Variants in MTA3 observed in about 807,000 individuals in gnomAD.
MTA3 encodes the protein metastasis-associated protein MTA3.
MTA3 carries 34 observed loss-of-function variants against 83.5 expected under a neutral mutation model. That is an observed-to-expected ratio of 0.41 (90% CI 0.31 to 0.54). MTA3 has a LOEUF of 0.54. Ranked by LOEUF, MTA3 falls within the 20% of genes least tolerant of loss-of-function variation. MTA3 has a pLI of 0.33. For missense variants in MTA3, 761 were observed against 726.4 expected, an observed-to-expected ratio of 1.05 and a Z score of -0.55; for synonymous variants, 303 against 252.7, an observed-to-expected ratio of 1.20 and a Z score of -1.89.
At chr2:42,711,040 C>T (rs1666563409) in intron 14 of MTA3, among the ~76,000 whole-genome samples, 2 of 151,908 alleles carry the variant, frequency 1.3e-5, no homozygotes, top group Admixed American at 1.3e-4. Flanking sequence ...GATCATGCCA[C>T]CGCACTCCAG....
At chr2:42,672,174 C>CT (rs540200176) in intron 8 of MTA3, among the ~76,000 whole-genome samples, 103 of 152,108 alleles carry the variant, frequency 6.8e-4, no homozygotes, top group African/African-American at 2.3e-3. Context: ...TCACTGTGAC[C>CT]TATTGTCCCC....
chr2:42,609,879 A>T lies in MTA3; in HGVS notation c.317+295A>T, dbSNP rs1325288121. Among the ~76,000 whole-genome samples the T allele has an allele frequency of 2.0e-5, 3 of 152,198 alleles. No homozygotes were observed. The East Asian group carries it at 5.8e-4, about 29-fold the overall frequency. On this transcript the variant is annotated intron_variant, in intron 4 of 16. Coordinates refer to ENST00000405094, the MANE Select transcript of MTA3 (RefSeq NM_001330442.2). ...TTTGGGAGGCTGAGGCGGGCGTATC[A>T]TTTGAGGTCAGGAATTCGAGACCAG...
In MTA3 at chr2:42,754,868, T is replaced by C; in HGVS notation, c.*1469T>C. ...TGAGCTCCGCTTGGCAGAGAGAGCG[T>C]GCTGTGTGAGGTGGAGGGCGGTTTT... On this transcript the variant is annotated 3_prime_UTR_variant, in exon 17 of 17. Transcript: ENST00000405094. The C allele has an allele frequency of 5.1e-6, 5 of 985,560 alleles. No individual in the cohort carries two copies. The highest frequency in any genetic ancestry group is 6.0e-6 in the Non-Finnish European group (5 of 830,048). The allele number at this position is 985,560 out of a possible 1,614,324, so 61.1% of individuals were successfully genotyped here. A position where few individuals can be genotyped will look rare whatever the true frequency, so the allele number is the denominator to read the frequency against.
At chr2:42,598,198 G>C (rs1324770863) in intron 3 of MTA3, among the ~76,000 whole-genome samples, 1 of 151,960 alleles carries the variant, frequency 6.6e-6, no homozygotes, top group Non-Finnish European at 1.5e-5. Context: ...TCAGCCTCCT[G>C]AGTAGCTGGG....
intron 9 of MTA3, chr2:42,682,813 C>T (rs375094122): frequency 6.6e-6 from 3 of 454,700 alleles, no homozygotes; most frequent in Admixed American, 3.4e-5. Context: ...TGGCTCACGT[C>T]TGTAATTCCA....
rs1169860510 is a variant in MTA3, at chr2:42,709,097, G to A, written c.1525+1G>A. The stretch of plus-strand genomic sequence containing the variant: ...AATTATGCTGCCATTAGGGCAGAAT[G>A]TAAGATGCTTTTAAATTCTTAACCT... On this transcript the variant is annotated splice_donor_variant, in intron 14 of 16. Coordinates refer to ENST00000405094, the MANE Select transcript of MTA3 (RefSeq NM_001330442.2). LOFTEE classifies it high-confidence loss of function. 6.3e-7 allele frequency: 1 copy of A among 1,588,098 alleles called. No individual in the cohort carries two copies. Among genetic ancestry groups the A allele is most frequent in the Non-Finnish European group, 8.6e-7 (1 of 1,166,640 alleles).
chr2:42,611,322 T>TACATACACACACAC (rs1684187203), intron 4 of MTA3, among the ~76,000 whole-genome samples: 1 of 16,062 alleles, frequency 6.2e-5, no homozygotes, highest in Non-Finnish European at 1.3e-4. Flanking sequence ...ACTTAACACA[T>TACATACACACACAC]ACACACACAC....
chr2:42,704,406 C>T (rs1323012636), intron 12 of MTA3, 88 bp downstream of exon 12: 10 of 1,506,090 alleles, frequency 6.6e-6, no homozygotes, highest in Non-Finnish European at 7.2e-6. Flanking sequence ...GAGGTCAGTA[C>T]GGTGCACCTT....
At chr2:42,521,049 C>G (rs1439990042) in intron 2 of MTA3, among the ~76,000 whole-genome samples, 2 of 152,212 alleles carry the variant, frequency 1.3e-5, no homozygotes, top group Admixed American at 1.3e-4. Flanking sequence ...AAGGTGACTT[C>G]TTGTGTAATC....
At chr2:42,707,348 A>G (rs530446888) in intron 12 of MTA3, among the ~76,000 whole-genome samples, 13 of 152,016 alleles carry the variant, frequency 8.6e-5, no homozygotes, top group Admixed American at 3.3e-4. Flanking sequence ...CATTCAAGCA[A>G]TTCTACTGCC....
At chr2:42,620,692 T>C (rs995666718) in intron 4 of MTA3, among the ~76,000 whole-genome samples, 2 of 152,114 alleles carry the variant, frequency 1.3e-5, no homozygotes, top group African/African-American at 4.8e-5. Context: ...AGAGTCTAGC[T>C]ATGTTGCCCA....
At chr2:42,741,023 G>A (rs1335089741) in intron 16 of MTA3, among the ~76,000 whole-genome samples, 2 of 152,236 alleles carry the variant, frequency 1.3e-5, no homozygotes, top group Non-Finnish European at 1.5e-5. Flanking sequence ...GTTGTTTAGC[G>A]TAGCTGCCTT....
intron 4 of MTA3, among the ~76,000 whole-genome samples, chr2:42,616,298 G>A (rs1684877726): frequency 6.6e-6 from 1 of 151,934 alleles, no homozygotes; most frequent in South Asian, 2.1e-4. Flanking sequence ...CCTGACTTCA[G>A]GTGATCTGCC....
intron 2 of MTA3, among the ~76,000 whole-genome samples, chr2:42,514,404 T>C (rs565149143): frequency 1.3e-5 from 2 of 152,220 alleles, no homozygotes; most frequent in South Asian, 4.2e-4. Context: ...TGTTTTGAGA[T>C]AGAGTCTCAC....
At chr2:42,580,279 C>G in intron 3 of MTA3, among the ~76,000 whole-genome samples, 1 of 152,024 alleles carries the variant, frequency 6.6e-6, no homozygotes, top group Non-Finnish European at 1.5e-5. Context: ...CCATGCCCAG[C>G]CACATTTTTC....
At chr2:42,553,648 T>G (rs1287930528) in intron 2 of MTA3, among the ~76,000 whole-genome samples, 1 of 150,260 alleles carries the variant, frequency 6.7e-6, no homozygotes, top group Non-Finnish European at 1.5e-5. Flanking sequence ...GGCAGGAGAA[T>G]GGCTTGAACC....
chr2:42,752,188 C>T (rs1669923534), intron 16 of MTA3: 1 of 471,144 alleles, frequency 2.1e-6, no homozygotes, highest in Non-Finnish European at 4.4e-6. Flanking sequence ...ACTTGCTGAG[C>T]TCATATCAAA....
At chr2:42,616,421 CTT>C (rs111768597) in intron 4 of MTA3, among the ~76,000 whole-genome samples, 3 of 139,152 alleles carry the variant, frequency 2.2e-5, no homozygotes, top group Non-Finnish European at 3.1e-5. Context: ...GATCTCTTGT[CTT>C]TTTTTTTTTT....
At chr2:42,641,566 G>A (rs1456616067) in intron 5 of MTA3, among the ~76,000 whole-genome samples, 2 of 150,614 alleles carry the variant, frequency 1.3e-5, no homozygotes, top group Non-Finnish European at 3.0e-5. Flanking sequence ...TTTTTTTTTC[G>A]GCCGAACGTG....
Sources: gnomAD v4.1 joint callset for allele counts (sites outside exome capture counted in the v4.1 genomes callset) on GRCh38, gnomAD v4.1.1 for gene constraint, MANE v1.5 for transcripts, NCBI Gene and HGNC (gene_info 2026-07-23, HGNC 2026-07-21) for gene names.